COPG2: variants seen among roughly 807,000 people sequenced by gnomAD.
COPG2 encodes coat protein complex I subunit gamma 2, also known as coatomer subunit gamma-2.
Under a neutral mutation model 46.3 loss-of-function variants are expected in COPG2, and 37 were observed. The observed-to-expected ratio is 0.80, with a 90% CI of 0.61 to 1.05. The LOEUF (loss-of-function observed/expected upper bound fraction) is 1.05. COPG2 is among the 50% of genes least tolerant of loss of function. COPG2 has a pLI of 0.00. For missense variants in COPG2, 427 were observed against 387.8 expected (o/e 1.10, Z -0.85); for synonymous variants, 159 against 129.7 (o/e 1.23, Z -1.53).
chr7:130,520,806 T>C (rs1443219103), intron 20 of COPG2, among the ~76,000 whole-genome samples: 3 of 152,242 alleles, frequency 2.0e-5, no homozygotes, highest in Non-Finnish European at 4.4e-5. Context: ...TATGCATTTG[T>C]TATTTATATT....
intron 20 of COPG2, among the ~76,000 whole-genome samples, chr7:130,532,174 C>T (rs1371623151): frequency 1.3e-5 from 2 of 152,034 alleles, no homozygotes; most frequent in African/African-American, 2.4e-5. Flanking sequence ...ACATAGTTCC[C>T]GACAGACCAG....
At chr7:130,654,359 G>T (rs1238222237) in intron 4 of COPG2, among the ~76,000 whole-genome samples, 1 of 152,150 alleles carries the variant, frequency 6.6e-6, no homozygotes, top group Non-Finnish European at 1.5e-5. Context: ...ATGGAATATA[G>T]TATCTAACAT....
intron 13 of COPG2, 112 bp downstream of exon 13, chr7:130,554,925 A>G: frequency 2.5e-6 from 1 of 397,686 alleles, no homozygotes; most frequent in Non-Finnish European, 4.4e-6. Context: ...TTAGTGTACT[A>G]CTTGAGAGGC....
intron 20 of COPG2, among the ~76,000 whole-genome samples, chr7:130,531,538 C>T (rs1799825007): frequency 6.6e-6 from 1 of 151,246 alleles, no homozygotes; most frequent in Non-Finnish European, 1.5e-5. Flanking sequence ...TATCAGGTGG[C>T]AGGGAGGGGC....
At chr7:130,645,218 C>T (rs560102574) in intron 5 of COPG2, 4 of 700,466 alleles carry the variant, frequency 5.7e-6, no homozygotes, top group South Asian at 2.7e-5. Flanking sequence ...ATGAGCTACT[C>T]GGCTGTGTGA....
intron 9 of COPG2, among the ~76,000 whole-genome samples, chr7:130,565,059 G>A (rs1467391306): frequency 1.3e-5 from 2 of 152,188 alleles, no homozygotes; most frequent in African/African-American, 4.8e-5. Flanking sequence ...GTCCTTAGGG[G>A]GCTTTGAAAA....
intron 20 of COPG2, among the ~76,000 whole-genome samples, chr7:130,522,776 TA>T (rs1434429524): frequency 1.3e-5 from 2 of 151,178 alleles, no homozygotes; most frequent in Admixed American, 6.6e-5. Context: ...AAAGAAGTAG[TA>T]AAAAAACGAA....
chr7:130,647,981 C>T (rs1304953556), intron 5 of COPG2, among the ~76,000 whole-genome samples: 5 of 152,104 alleles, frequency 3.3e-5, no homozygotes, highest in African/African-American at 9.7e-5. Flanking sequence ...CCACCCACCT[C>T]GGCCTCCCAA....
chr7:130,631,062 G>C (rs1415726387), intron 5 of COPG2, among the ~76,000 whole-genome samples: 4 of 152,124 alleles, frequency 2.6e-5, no homozygotes, highest in African/African-American at 7.2e-5. Flanking sequence ...GAAGTGTTTA[G>C]AATAGGTGCC....
At chr7:130,510,493 T>G (rs933070228) in intron 20 of COPG2, among the ~76,000 whole-genome samples, 3 of 152,110 alleles carry the variant, frequency 2.0e-5, no homozygotes, top group Non-Finnish European at 4.4e-5. Flanking sequence ...GGAGAGACAT[T>G]AATTATAGCA....
chr7:130,526,076 G>A (rs903080478), intron 20 of COPG2, among the ~76,000 whole-genome samples: 1 of 152,066 alleles, frequency 6.6e-6, no homozygotes, highest in Non-Finnish European at 1.5e-5. Context: ...AGGAGGAAGA[G>A]AAGGAAGTGG....
At chr7:130,665,701 C>CATCTAT (rs1347277085) in intron 3 of COPG2, among the ~76,000 whole-genome samples, 10 of 151,972 alleles carry the variant, frequency 6.6e-5, no homozygotes, top group African/African-American at 2.4e-4. Flanking sequence ...GGGACTTGAG[C>CATCTAT]ATCTATGGAC....
intron 9 of COPG2, among the ~76,000 whole-genome samples, chr7:130,589,425 A>T (rs1300878866): frequency 1.3e-5 from 2 of 151,862 alleles, no homozygotes; most frequent in African/African-American, 2.4e-5. Context: ...CTGGTACTAT[A>T]GGTGCTCACC....
intron 9 of COPG2, among the ~76,000 whole-genome samples, chr7:130,595,149 C>T (rs573378442): frequency 2.0e-4 from 31 of 151,992 alleles, no homozygotes; most frequent in South Asian, 8.3e-4. Context: ...AAATAAAATA[C>T]GGTATATTTA....
chr7:130,640,998 C>G (rs946307754), intron 5 of COPG2, among the ~76,000 whole-genome samples: 6 of 150,742 alleles, frequency 4.0e-5, no homozygotes, highest in African/African-American at 1.5e-4. Context: ...AATTATAGTA[C>G]AATATATTAA....
intron 4 of COPG2, among the ~76,000 whole-genome samples, chr7:130,659,246 T>C (rs1280818649): frequency 1.3e-5 from 2 of 149,944 alleles, no homozygotes; most frequent in African/African-American, 4.9e-5. Flanking sequence ...TCCCAGCTAC[T>C]CAGGAGGCTG....
chr7:130,668,716 C>G lies in COPG2; in HGVS notation c.-48G>C. ...AGACCCACCGCAACCGTCCCAGGCG[C>G]CGCAGCCGGCGAGCGGAAGAGGCTG... On this transcript the variant is annotated 5_prime_UTR_variant, in exon 1 of 24. Coordinates refer to ENST00000425248, the MANE Select transcript of COPG2 (RefSeq NM_012133.6). The G allele has an allele frequency of 6.6e-7, 1 of 1,507,416 alleles. No homozygotes were observed. The highest frequency in any genetic ancestry group is 8.9e-7 in the Non-Finnish European group (1 of 1,127,298). The allele number at this position is 1,507,416 out of a possible 1,614,324, so 93.4% of individuals were successfully genotyped here. A position where few individuals can be genotyped will look rare whatever the true frequency, so the allele number is the denominator to read the frequency against.
intron 5 of COPG2, among the ~76,000 whole-genome samples, chr7:130,640,001 C>T (rs1176506720): frequency 7.2e-5 from 11 of 151,938 alleles, no homozygotes; most frequent in African/African-American, 2.2e-4. Flanking sequence ...AGGTTTCTTC[C>T]GAGGGTTTTA....
At chr7:130,560,810 T>C (rs1020091344) in intron 12 of COPG2, among the ~76,000 whole-genome samples, 211 of 152,292 alleles carry the variant, frequency 1.4e-3, no homozygotes, top group African/African-American at 4.6e-3. Context: ...AGTTGGATCA[T>C]TGCCTAAAAT....
Sources: allele counts gnomAD v4.1 joint callset (sites outside exome capture counted in the v4.1 genomes callset), GRCh38; gene constraint gnomAD v4.1.1; transcripts MANE v1.5; gene names NCBI Gene and HGNC (gene_info 2026-07-23, HGNC 2026-07-21).